The following ELL2 variants were observed in gnomAD, a reference collection of about 807,000 sequenced individuals.
ELL2 encodes the protein elongation factor for RNA polymerase II 2.
ELL2 carries 21 observed loss-of-function variants against 72.8 expected under a neutral mutation model. The ratio of observed to expected loss-of-function variants is 0.29; its 90% CI spans 0.20 to 0.42. The LOEUF (loss-of-function observed/expected upper bound fraction) is 0.42. Among genes scored for constraint, ELL2 ranks in the 10% least tolerant of loss-of-function variants. ELL2 has a pLI of 1.00. For missense variants in ELL2, 568 were observed against 772.8 expected (o/e 0.73, Z 3.14); for synonymous variants, 266 against 283.2 (o/e 0.94, Z 0.61).
rs534018120 is a variant in ELL2, at chr5:95,953,390, C to CT, written c.147+8184dup. Among the ~76,000 whole-genome samples, 23 of 152,324 alleles carry CT rather than the reference C, an allele frequency of 1.5e-4. No homozygotes were observed. The South Asian group carries it at 4.8e-3, about 32-fold the overall frequency. On this transcript the variant is annotated intron_variant, in intron 1 of 11. Transcript: ENST00000237853. ...CAGCTGACTTTTTATTACATGGACA[C>CT]TTTTTCTGGCTCTTGAGGTATCATG...
chr5:95,918,726 C>A (rs994413638), intron 3 of ELL2, among the ~76,000 whole-genome samples: 4 of 152,136 alleles, frequency 2.6e-5, no homozygotes, highest in African/African-American at 9.7e-5. Flanking sequence ...AGGGGCAGAA[C>A]AAACTCCTGC....
At chr5:95,903,208 CTTTTTTTTTTTTT>C (rs35628427) in intron 5 of ELL2, among the ~76,000 whole-genome samples, 45 of 56,168 alleles carry the variant, frequency 8.0e-4, no homozygotes, top group Non-Finnish European at 1.1e-3. Flanking sequence ...CTCTTAGGAC[CTTTTTTTTTTTTT>C]TTTTTTTTTT....
At chr5:95,895,886 C>T (rs760662695) in intron 8 of ELL2, among the ~76,000 whole-genome samples, 195 bp from the exon 9 acceptor site, 1 of 152,132 alleles carries the variant, frequency 6.6e-6, no homozygotes, top group Non-Finnish European at 1.5e-5. Flanking sequence ...CCAGCAGAAC[C>T]GACGCCAGGC....
intron 1 of ELL2, among the ~76,000 whole-genome samples, chr5:95,954,420 T>C (rs1456188064): frequency 3.4e-5 from 5 of 147,818 alleles, no homozygotes; most frequent in African/African-American, 1.2e-4. Context: ...TTTTTTTTTT[T>C]TTTTAAGACA....
intron 3 of ELL2, among the ~76,000 whole-genome samples, chr5:95,919,036 A>G (rs900218387): frequency 6.6e-6 from 1 of 152,114 alleles, no homozygotes; most frequent in Non-Finnish European, 1.5e-5. Context: ...TGCAAGATGG[A>G]TATTTTTAAC....
rs370920991 is a variant in ELL2, at chr5:95,906,796, G to A, written c.482-14C>T. ...GCACTCTTTTCCCTAAAGTCCAGTG[G>A]AAATGACATTGTTACACATTTGTGG... On this transcript the variant is annotated splice_polypyrimidine_tract_variant and intron_variant, in intron 4 of 11. Coordinates refer to ENST00000237853, the MANE Select transcript of ELL2 (RefSeq NM_012081.6). 1.3e-6 allele frequency: 2 copies of A among 1,599,670 alleles called. No individual in the cohort carries two copies. Among genetic ancestry groups the A allele is most frequent in the African/African-American group, 2.7e-5 (2 of 74,648 alleles).
At chr5:95,948,175 G>A (rs1751237579) in intron 1 of ELL2, among the ~76,000 whole-genome samples, 1 of 152,086 alleles carries the variant, frequency 6.6e-6, no homozygotes, top group South Asian at 2.1e-4. Context: ...GGTTGCTCAC[G>A]CCTGTAATCC....
intron 1 of ELL2, among the ~76,000 whole-genome samples, chr5:95,960,886 C>A (rs1404481766): frequency 1.3e-5 from 2 of 151,740 alleles, no homozygotes; most frequent in Admixed American, 6.6e-5. Flanking sequence ...CCCCCCCGTA[C>A]GCGAAGCGCC....
chr5:95,933,189 A>G (rs1031251827), intron 2 of ELL2, among the ~76,000 whole-genome samples: 3 of 152,226 alleles, frequency 2.0e-5, no homozygotes, highest in Admixed American at 1.3e-4. Context: ...AATATAAGGC[A>G]GCAGCAGCTT....
intron 1 of ELL2, among the ~76,000 whole-genome samples, chr5:95,945,151 C>A (rs1052438493): frequency 6.6e-6 from 1 of 152,172 alleles, no homozygotes; most frequent in African/African-American, 2.4e-5. Context: ...GCATTAGAAA[C>A]TCACAATGGC....
chr5:95,927,764 T>TACACACACACATATGTGTGTATATAGAC (rs1750433840), intron 2 of ELL2, among the ~76,000 whole-genome samples: 1 of 70,148 alleles, frequency 1.4e-5, no homozygotes, highest in Non-Finnish European at 2.5e-5. Flanking sequence ...TATATAGACA[T>TACACACACACATATGTGTGTATATAGAC]ACACACACAC....
chr5:95,919,303 G>T, intron 3 of ELL2, 121 bp downstream of exon 3: 2 of 1,214,206 alleles, frequency 1.6e-6, no homozygotes, highest in Non-Finnish European at 2.2e-6. Flanking sequence ...AAATAAATGA[G>T]CTCTGTAATT....
chr5:95,895,411 C>T (rs3777207), intron 9 of ELL2, among the ~76,000 whole-genome samples: 25,650 of 152,116 alleles, frequency 0.17, 2,313 homozygotes, highest in Non-Finnish European at 0.2. Flanking sequence ...TAAAGGCCAA[C>T]GAATACAGCT....
intron 2 of ELL2, among the ~76,000 whole-genome samples, chr5:95,941,723 C>G (rs553172314): frequency 1.3e-5 from 2 of 152,178 alleles, no homozygotes; most frequent in Non-Finnish European, 2.9e-5. Flanking sequence ...TAGTGAAAAT[C>G]CATGGAGCCC....
intron 1 of ELL2, among the ~76,000 whole-genome samples, chr5:95,947,124 G>A (rs1751187694): frequency 6.6e-6 from 1 of 151,926 alleles, no homozygotes; most frequent in South Asian, 2.1e-4. Context: ...TTTTTTCATA[G>A]GTTGTCTTAT....
At position 95,886,923 on chromosome 5, in the gene ELL2, A is replaced by C. The variant is rs528468705; in HGVS notation, c.*1948T>G. 18 of 152,210 alleles carry C rather than the reference A, an allele frequency of 1.2e-4. No homozygotes were observed. The highest frequency in any genetic ancestry group is 3.6e-4 in the African/African-American group (15 of 41,438). 9.4% of individuals were successfully genotyped at this position (152,210 alleles called of 1,614,324 possible). A position where few individuals can be genotyped will look rare whatever the true frequency, so the allele number is the denominator to read the frequency against. ...GCACACAGTCTTTGATTAAAAGGCC[A>C]AGATGTCCAAGAAATAACACCAATG... On this transcript the variant is annotated 3_prime_UTR_variant, in exon 12 of 12. Transcript: ENST00000237853.
intron 2 of ELL2, among the ~76,000 whole-genome samples, chr5:95,940,625 A>G (rs1750935762): frequency 6.6e-6 from 1 of 152,234 alleles, no homozygotes; most frequent in African/African-American, 2.4e-5. Flanking sequence ...CAGTTAAGGT[A>G]CAATTTCAGT....
chr5:95,891,029 T>G, intron 10 of ELL2, 74 bp downstream of exon 10: 2 of 1,589,170 alleles, frequency 1.3e-6, no homozygotes, highest in Non-Finnish European at 1.7e-6. Flanking sequence ...CTGTGATGGC[T>G]GAGGTTGAGC....
At position 95,898,817 on chromosome 5, in the gene ELL2, G is replaced by A. The variant is rs1157103603; in HGVS notation, c.955-7C>T. On this transcript the variant is annotated splice_polypyrimidine_tract_variant and splice_region_variant and intron_variant, in intron 7 of 11. Transcript: ENST00000237853. The stretch of plus-strand genomic sequence containing the variant: ...CTGAATCCAAAAGCCGTTTCTAGGG[G>A]AGGGAAAAGGAGAAAAGTGAGCCAG... 10 of 1,485,296 alleles carry A rather than the reference G, an allele frequency of 6.7e-6. No individual in the cohort carries two copies. The Admixed American group carries it at 1.9e-4, about 29-fold the overall frequency. 92.0% of individuals were successfully genotyped at this position (1,485,296 alleles called of 1,614,324 possible).
Sources: gnomAD v4.1 joint callset for allele counts (sites outside exome capture counted in the v4.1 genomes callset) on GRCh38, gnomAD v4.1.1 for gene constraint, MANE v1.5 for transcripts, NCBI Gene and HGNC (gene_info 2026-07-23, HGNC 2026-07-21) for gene names.